The following CSMD1 variants were observed in gnomAD, a reference collection of about 807,000 sequenced individuals.
CSMD1 encodes the protein CUB and Sushi multiple domains 1, also known as CUB and sushi domain-containing protein 1.
CSMD1 carries 213 observed loss-of-function variants against 417.5 expected under a neutral mutation model. The observed-to-expected ratio is 0.51, with a 90% CI of 0.46 to 0.57. The LOEUF is 0.57. CSMD1 is among the 20% of genes least tolerant of loss of function. The pLI is 0.00. For missense variants in CSMD1, 6,923 were observed against 4,529.7 expected (o/e 1.53, Z -15.17); for synonymous variants, 2,862 against 1,736.8 (o/e 1.65, Z -16.11).
intron 3 of CSMD1, among the ~76,000 whole-genome samples, chr8:4,305,448 C>T (rs1798194965): frequency 6.6e-6 from 1 of 152,130 alleles, no homozygotes; most frequent in Non-Finnish European, 1.5e-5. Context: ...TAAGGTAAGC[C>T]ACTGAGCAGC....
At position 3,799,589 on chromosome 8, in the gene CSMD1, C is replaced by T. The variant is rs557119022; in HGVS notation, c.819-45547G>A. On this transcript the variant is annotated intron_variant, in intron 5 of 69. Coordinates refer to ENST00000635120, the MANE Select transcript of CSMD1 (RefSeq NM_033225.6). ...TATCATTTGAAACTGAATACATCAA[C>T]TTTTCATTGGTACAGTAAAGAAAGA... is the stretch of plus-strand genomic sequence containing the variant. Among the ~76,000 whole-genome samples, 10 of 151,950 alleles carry T rather than the reference C, an allele frequency of 6.6e-5. No homozygotes were observed. In the South Asian group the frequency reaches 2.1e-3, roughly 32 times the overall value.
chr8:4,255,894 C>T (rs769661712), intron 3 of CSMD1, among the ~76,000 whole-genome samples: 1 of 152,174 alleles, frequency 6.6e-6, no homozygotes, highest in Non-Finnish European at 1.5e-5. Flanking sequence ...ATGGTAAACC[C>T]ATGAGGGCAG....
chr8:4,907,135 G>C (rs1056568785), intron 1 of CSMD1, among the ~76,000 whole-genome samples: 1 of 152,164 alleles, frequency 6.6e-6, no homozygotes, highest in Non-Finnish European at 1.5e-5. Context: ...GCAAGAGTTA[G>C]GGAATAATGA....
At chr8:3,228,572 G>T (rs1049987304) in intron 27 of CSMD1, among the ~76,000 whole-genome samples, 1 of 152,048 alleles carries the variant, frequency 6.6e-6, no homozygotes, top group Non-Finnish European at 1.5e-5. Flanking sequence ...GGTGCGTATT[G>T]GACTACCTAG....
At chr8:3,233,686 G>A (rs1563167753) in intron 26 of CSMD1, among the ~76,000 whole-genome samples, 1 of 151,884 alleles carries the variant, frequency 6.6e-6, no homozygotes, top group Non-Finnish European at 1.5e-5. Flanking sequence ...GTCTGAATCC[G>A]ATAAGAATTC....
At chr8:3,382,711 C>T (rs563074776) in intron 18 of CSMD1, among the ~76,000 whole-genome samples, 2 of 150,666 alleles carry the variant, frequency 1.3e-5, no homozygotes, top group Non-Finnish European at 3.0e-5. Flanking sequence ...ATTAGTGTTG[C>T]ATTTCTTCTC....
intron 6 of CSMD1, among the ~76,000 whole-genome samples, chr8:3,752,697 A>AC (rs1202009930): frequency 8.7e-6 from 1 of 114,986 alleles, no homozygotes; most frequent in Non-Finnish European, 2.0e-5. Context: ...AAAAAAAAAA[A>AC]AAAAAAACAT....
chr8:4,452,619 G>C (rs1050352357), intron 2 of CSMD1, among the ~76,000 whole-genome samples: 18 of 152,114 alleles, frequency 1.2e-4, no homozygotes, highest in African/African-American at 4.8e-5. Context: ...TAGTTTTTAT[G>C]TGAAGTGCAC....
At chr8:3,454,511 G>A (rs1011539114) in intron 12 of CSMD1, among the ~76,000 whole-genome samples, 6 of 152,146 alleles carry the variant, frequency 3.9e-5, no homozygotes, top group Admixed American at 2.6e-4. Flanking sequence ...AGGACTGGTG[G>A]TGACAGAATC....
chr8:4,511,352 A>G (rs541620108), intron 2 of CSMD1, among the ~76,000 whole-genome samples: 27 of 152,336 alleles, frequency 1.8e-4, no homozygotes, highest in Non-Finnish European at 2.9e-4. Flanking sequence ...GAGGAGGGGC[A>G]TGCAGGCTTC....
chr8:4,338,497 T>C (rs535905254), intron 3 of CSMD1, among the ~76,000 whole-genome samples: 2 of 152,266 alleles, frequency 1.3e-5, no homozygotes, highest in African/African-American at 2.4e-5. Context: ...CCTCGGGATA[T>C]TGTACTTTGT....
intron 3 of CSMD1, among the ~76,000 whole-genome samples, chr8:4,411,203 G>C (rs1051346373): frequency 6.6e-6 from 1 of 151,942 alleles, no homozygotes; most frequent in Non-Finnish European, 1.5e-5. Context: ...AATGAACTAG[G>C]AAACCCATCA....
At chr8:4,342,857 A>T (rs1800559434) in intron 3 of CSMD1, among the ~76,000 whole-genome samples, 1 of 152,016 alleles carries the variant, frequency 6.6e-6, no homozygotes, top group Admixed American at 6.6e-5. Context: ...CCCTAGATAC[A>T]CCAAAGGCCA....
intron 54 of CSMD1, among the ~76,000 whole-genome samples, chr8:2,996,557 G>A (rs1346111167): frequency 6.6e-6 from 1 of 152,202 alleles, no homozygotes; most frequent in Non-Finnish European, 1.5e-5. Context: ...ATGGAGTCCT[G>A]CGGCCTCCAC....
At chr8:3,178,788 T>C (rs940692845) in intron 37 of CSMD1, among the ~76,000 whole-genome samples, 3 of 152,142 alleles carry the variant, frequency 2.0e-5, no homozygotes, top group African/African-American at 7.2e-5. Context: ...ATTTAGAGAT[T>C]TGTAGATTGG....
chr8:3,356,891 T>C (rs1808830979), intron 21 of CSMD1, among the ~76,000 whole-genome samples: 1 of 152,080 alleles, frequency 6.6e-6, no homozygotes, highest in Non-Finnish European at 1.5e-5. Context: ...CTCTGATTAG[T>C]AGGGGAAGCA....
chr8:4,085,108 CA>C (rs1800351275), intron 3 of CSMD1, among the ~76,000 whole-genome samples: 1 of 152,130 alleles, frequency 6.6e-6, no homozygotes, highest in South Asian at 2.1e-4. Context: ...TTGGTCCAAC[CA>C]GTTGGACAAC....
At chr8:4,786,178 C>T (rs1265395731) in intron 1 of CSMD1, among the ~76,000 whole-genome samples, 5 of 152,190 alleles carry the variant, frequency 3.3e-5, no homozygotes, top group Admixed American at 2.0e-4. Flanking sequence ...AACCCACCTG[C>T]TCTACCATCT....
intron 1 of CSMD1, among the ~76,000 whole-genome samples, chr8:4,912,193 G>GA (rs1805734085): frequency 7.2e-6 from 1 of 138,816 alleles, no homozygotes; most frequent in Non-Finnish European, 1.6e-5. Flanking sequence ...CATAAAATTA[G>GA]AAAAGTCCTC....
Sources: allele counts gnomAD v4.1 joint callset (sites outside exome capture counted in the v4.1 genomes callset), GRCh38; gene constraint gnomAD v4.1.1; transcripts MANE v1.5; gene names NCBI Gene and HGNC (gene_info 2026-07-23, HGNC 2026-07-21).